The following GNAQ variants were observed in gnomAD, a reference collection of about 807,000 sequenced individuals.
GNAQ encodes guanine nucleotide-binding protein G(q) subunit alpha.
Under a neutral mutation model 43.9 loss-of-function variants are expected in GNAQ, and 8 were observed. The ratio of observed to expected loss-of-function variants is 0.18; its 90% CI spans 0.11 to 0.33. The LOEUF (loss-of-function observed/expected upper bound fraction) is 0.33, where lower values mean the gene tolerates loss of function less well. GNAQ is among the 10% of genes least tolerant of loss of function. GNAQ has a pLI of 1.00. For missense variants in GNAQ, 158 were observed against 450.8 expected (o/e 0.35, Z 5.88); for synonymous variants, 155 against 170.7 (o/e 0.91, Z 0.71).
At chr9:77,760,259 C>G (rs970116813) in intron 5 of GNAQ, among the ~76,000 whole-genome samples, 3 of 150,626 alleles carry the variant, frequency 2.0e-5, no homozygotes, top group Admixed American at 6.6e-5. Context: ...GATGCCGAGC[C>G]GAAGCTGGAC....
chr9:77,960,976 T>C (rs1409384436), intron 1 of GNAQ, among the ~76,000 whole-genome samples: 4 of 152,214 alleles, frequency 2.6e-5, no homozygotes, highest in Admixed American at 6.5e-5. Flanking sequence ...TTTAATACAT[T>C]TCATTATTTG....
chr9:77,857,475 GGAAAGAGA>G (rs1162827942), intron 2 of GNAQ, among the ~76,000 whole-genome samples: 12 of 147,128 alleles, frequency 8.2e-5, no homozygotes. Context: ...GGGAAGGAAG[GGAAAGAGA>G]GGAAGAGAGG....
intron 2 of GNAQ, among the ~76,000 whole-genome samples, chr9:77,885,880 T>C (rs1587387023): frequency 6.6e-6 from 1 of 152,166 alleles, no homozygotes; most frequent in Non-Finnish European, 1.5e-5. Flanking sequence ...AATGCTGATA[T>C]AAAAATAAAA....
rs71937328 is a variant in GNAQ at position 77,874,104 on chromosome 9, C to CAA, written c.321+48055_321+48056dup. On this transcript the variant is annotated intron_variant, in intron 2 of 6. Coordinates refer to ENST00000286548, the MANE Select transcript of GNAQ (RefSeq NM_002072.5). ...GGGCAACAAGAGCGAAACTCCATCT[C>CAA]AAAAAAAAAAAACAAAAAAACAAAA... Among the ~76,000 whole-genome samples, 909 of 98,954 alleles carry CAA rather than the reference C, an allele frequency of 9.2e-3. 8 individuals carry two copies. Among genetic ancestry groups the CAA allele is most frequent in the Middle Eastern group, 0.049 (9 of 182 alleles). The allele number at this position is 98,954 out of a possible 152,430, so 64.9% of individuals were successfully genotyped here. A position where few individuals can be genotyped will look rare whatever the true frequency, so the allele number is the denominator to read the frequency against.
At chr9:77,844,828 A>G (rs978652013) in intron 2 of GNAQ, among the ~76,000 whole-genome samples, 3 of 147,250 alleles carry the variant, frequency 2.0e-5, no homozygotes, top group African/African-American at 7.6e-5. Flanking sequence ...GCCTGCCACC[A>G]TGCCCAGCTA....
chr9:77,948,654 C>T (rs1351079397), intron 1 of GNAQ, among the ~76,000 whole-genome samples: 3 of 152,178 alleles, frequency 2.0e-5, no homozygotes, highest in Non-Finnish European at 2.9e-5. Context: ...ATCCATTATT[C>T]GTTAGGCCCA....
In GNAQ at chr9:77,778,607, C is replaced by CGGTCTACATACATAT. The variant is rs1354821637; in HGVS notation, c.735+15855_735+15856insATATGTATGTAGACC. On this transcript the variant is annotated intron_variant, in intron 5 of 6. Coordinates refer to ENST00000286548, the MANE Select transcript of GNAQ (RefSeq NM_002072.5). ...TATCACTAAACACTTTAAATGTGAA[C>CGGTCTACATACATAT]GGTCTACATACACCAATTAAAAGAC... Among the ~76,000 whole-genome samples the CGGTCTACATACATAT allele has an allele frequency of 2.6e-5, 4 of 151,818 alleles. No individual in the cohort carries two copies. In the East Asian group the frequency reaches 7.8e-4, roughly 29 times the overall value.
intron 2 of GNAQ, among the ~76,000 whole-genome samples, chr9:77,841,100 C>A (rs968985082): frequency 3.9e-5 from 6 of 151,954 alleles, no homozygotes; most frequent in Admixed American, 1.3e-4. Context: ...AACAAACAAA[C>A]AAAAAAACCC....
intron 1 of GNAQ, among the ~76,000 whole-genome samples, chr9:78,004,995 G>C (rs1020476767): frequency 6.6e-6 from 1 of 152,050 alleles, no homozygotes; most frequent in African/African-American, 2.4e-5. Flanking sequence ...AACATATCTG[G>C]CCTTTATTTC....
At chr9:77,985,183 G>T (rs930634222) in intron 1 of GNAQ, among the ~76,000 whole-genome samples, 1 of 152,134 alleles carries the variant, frequency 6.6e-6, no homozygotes, top group Non-Finnish European at 1.5e-5. Context: ...GGTGGTAGGT[G>T]CCTGTAGTCC....
intron 1 of GNAQ, among the ~76,000 whole-genome samples, chr9:77,942,582 A>G (rs1829331225): frequency 6.6e-6 from 1 of 152,216 alleles, no homozygotes; most frequent in Non-Finnish European, 1.5e-5. Flanking sequence ...ATAATAAGGC[A>G]TTCCCAATAG....
intron 1 of GNAQ, among the ~76,000 whole-genome samples, chr9:77,946,554 G>A (rs374860539): frequency 1.6e-4 from 24 of 152,264 alleles, no homozygotes; most frequent in East Asian, 3.9e-4. Context: ...AAACCTGGGC[G>A]TATGACCCAG....
chr9:77,928,916 G>A (rs1829107130), intron 1 of GNAQ, among the ~76,000 whole-genome samples: 1 of 152,102 alleles, frequency 6.6e-6, no homozygotes, highest in Admixed American at 6.6e-5. Flanking sequence ...TACTCAGGAG[G>A]CTGAGGCAGG....
At chr9:77,777,485 T>C (rs1294303028) in intron 5 of GNAQ, among the ~76,000 whole-genome samples, 2 of 152,028 alleles carry the variant, frequency 1.3e-5, no homozygotes, top group African/African-American at 2.4e-5. Context: ...AAATAAAAAA[T>C]AGACAACCTG....
At chr9:77,984,805 T>C (rs977335237) in intron 1 of GNAQ, among the ~76,000 whole-genome samples, 1 of 152,124 alleles carries the variant, frequency 6.6e-6, no homozygotes, top group African/African-American at 2.4e-5. Context: ...AGAAACTCCC[T>C]GATTCACTTA....
At chr9:77,946,652 G>A (rs920451864) in intron 1 of GNAQ, among the ~76,000 whole-genome samples, 1 of 151,730 alleles carries the variant, frequency 6.6e-6, no homozygotes, top group Admixed American at 6.6e-5. Flanking sequence ...AAAATAAAAT[G>A]AAACCTTCTC....
chr9:77,732,148 A>T (rs114201264), intron 5 of GNAQ, among the ~76,000 whole-genome samples: 1,871 of 152,144 alleles, frequency 0.012, 39 homozygotes, highest in African/African-American at 0.042. Context: ...GTCCCAGGAG[A>T]CTTTGTGGCA....
intron 2 of GNAQ, among the ~76,000 whole-genome samples, chr9:77,834,580 T>C (rs371042404): frequency 2.0e-5 from 3 of 152,190 alleles, no homozygotes; most frequent in South Asian, 2.1e-4. Context: ...ATAAACCTGA[T>C]TGATTTTAGA....
At chr9:77,857,872 G>T (rs1827784231) in intron 2 of GNAQ, among the ~76,000 whole-genome samples, 1 of 146,238 alleles carries the variant, frequency 6.8e-6, no homozygotes, top group African/African-American at 2.5e-5. Context: ...GGCAATAAAG[G>T]TTTTTTTTTT....
Sources: gnomAD v4.1 joint callset for allele counts (sites outside exome capture counted in the v4.1 genomes callset) on GRCh38, gnomAD v4.1.1 for gene constraint, MANE v1.5 for transcripts, NCBI Gene and HGNC (gene_info 2026-07-23, HGNC 2026-07-21) for gene names.